IQGAP1: variants seen among roughly 807,000 people sequenced by gnomAD.
IQGAP1 encodes the protein IQ motif containing GTPase activating protein 1, also known as ras GTPase-activating-like protein IQGAP1.
Under a neutral mutation model 215.6 loss-of-function variants are expected in IQGAP1, and 66 were observed. That is an observed-to-expected ratio of 0.31 (90% CI 0.25 to 0.38). The LOEUF is 0.38. Among genes scored for constraint, IQGAP1 ranks in the 10% least tolerant of loss-of-function variants. The probability of loss-of-function intolerance (pLI) is 1.00; values close to 1 mark genes in which losing one functional copy is unlikely to be tolerated. For synonymous variants in IQGAP1, 772 were observed against 728.7 expected (o/e 1.06, Z -0.96); for missense variants, 1,712 against 1,997.1 (o/e 0.86, Z 2.72).
intron 23 of IQGAP1, among the ~76,000 whole-genome samples, chr15:90,475,203 T>G (rs1596285569): frequency 2.6e-5 from 4 of 152,240 alleles, no homozygotes; most frequent in South Asian, 4.1e-4. Context: ...TTCGCCATGT[T>G]GACCAGGCTG....
intron 2 of IQGAP1, among the ~76,000 whole-genome samples, chr15:90,422,646 G>GTATATATATATGTA (rs1460611481): frequency 9.1e-4 from 55 of 60,234 alleles, no homozygotes; most frequent in Middle Eastern, 7.7e-3. Context: ...ATATGTATAT[G>GTATATATATATGTA]TATATATATA....
In IQGAP1 at chr15:90,451,156, G is replaced by A. The variant is rs117623575; in HGVS notation, c.1162+1513G>A. Among the ~76,000 whole-genome samples, 824 of 152,200 alleles carry A rather than the reference G, an allele frequency of 5.4e-3. 26 individuals carry two copies. Among genetic ancestry groups the A allele is most frequent in the Admixed American group, 0.046 (700 of 15,286 alleles). ...TTATTTTTGTATATTATGAGAGATAGGGATCTAGCTTTATTCTTCTGCATA... is the reference window on the plus strand; with the variant it reads ...TTATTTTTGTATATTATGAGAGATAAGGATCTAGCTTTATTCTTCTGCATA... On this transcript the variant is annotated intron_variant, in intron 11 of 37. Transcript: ENST00000268182.
At chr15:90,495,549 A>G (rs543310480) in intron 36 of IQGAP1, among the ~76,000 whole-genome samples, 68 of 152,000 alleles carry the variant, frequency 4.5e-4, no homozygotes, top group African/African-American at 1.5e-3. Flanking sequence ...ATTTTTTTCT[A>G]TTCACATAAA....
chr15:90,422,646 GTATATATA>G (rs1176836911), intron 2 of IQGAP1, among the ~76,000 whole-genome samples: 1 of 60,242 alleles, frequency 1.7e-5, no homozygotes, highest in Non-Finnish European at 3.0e-5. Context: ...ATATGTATAT[GTATATATA>G]TATATGTATA....
chr15:90,443,636 T>C (rs1965483527), intron 9 of IQGAP1, among the ~76,000 whole-genome samples, 158 bp downstream of exon 9: 1 of 152,242 alleles, frequency 6.6e-6, no homozygotes, highest in Non-Finnish European at 1.5e-5. Flanking sequence ...TGTGTTTCTA[T>C]GCCTCCGTTT....
chr15:90,388,262 CT>C lies in IQGAP1; in HGVS notation c.-78del. 1 of 1,516,934 alleles carries C rather than the reference CT, an allele frequency of 6.6e-7. No individual in the cohort carries two copies. 94.0% of individuals were successfully genotyped at this position (1,516,934 alleles called of 1,614,324 possible). Reference sequence around the variant, plus strand: ...TCGGGGACCCCGGCAAGCCCGCGCACTTGGCAGGAGCTGTAGCTACCGCCGT... The same window carrying C: ...TCGGGGACCCCGGCAAGCCCGCGCACTGGCAGGAGCTGTAGCTACCGCCGT... On this transcript the variant is annotated 5_prime_UTR_variant, in exon 1 of 38. Coordinates refer to ENST00000268182, the MANE Select transcript of IQGAP1 (RefSeq NM_003870.4).
At chr15:90,428,336 C>T (rs960643187) in intron 3 of IQGAP1, among the ~76,000 whole-genome samples, 4 of 152,134 alleles carry the variant, frequency 2.6e-5, no homozygotes, top group Non-Finnish European at 5.9e-5. Flanking sequence ...CTTGGCCTCT[C>T]AAAGTGCCAG....
At chr15:90,494,531 C>T (rs1966247499) in intron 35 of IQGAP1, 182 bp from the exon 36 acceptor site, 1 of 389,238 alleles carries the variant, frequency 2.6e-6, no homozygotes, top group South Asian at 4.9e-5. Context: ...AGTAATATTT[C>T]CCCTGTTTTG....
chr15:90,428,052 T>G (rs199804301), intron 3 of IQGAP1, among the ~76,000 whole-genome samples: 2 of 151,808 alleles, frequency 1.3e-5, no homozygotes, highest in East Asian at 1.9e-4. Flanking sequence ...GTTCAGTGGG[T>G]TTTTTTTGTT....
intron 18 of IQGAP1, among the ~76,000 whole-genome samples, chr15:90,471,565 T>C (rs1026645620): frequency 3.3e-5 from 5 of 151,696 alleles, no homozygotes; most frequent in African/African-American, 4.9e-5. Flanking sequence ...AATGGCGCGA[T>C]CTTGGCTCAC....
chr15:90,465,870 A>T, intron 15 of IQGAP1, 131 bp from the exon 16 acceptor site: 1 of 718,732 alleles, frequency 1.4e-6, no homozygotes, highest in East Asian at 2.7e-5. Flanking sequence ...CATTTGACTA[A>T]CCCACGTGTC....
chr15:90,398,323 GA>G (rs1315339551), intron 2 of IQGAP1, among the ~76,000 whole-genome samples: 1 of 152,134 alleles, frequency 6.6e-6, no homozygotes, highest in African/African-American at 2.4e-5. Flanking sequence ...TTATCTGAAG[GA>G]AAACACCAGA....
At chr15:90,392,746 A>ATTTTTT (rs1964652639) in intron 2 of IQGAP1, among the ~76,000 whole-genome samples, 1 of 91,834 alleles carries the variant, frequency 1.1e-5, no homozygotes, top group African/African-American at 5.9e-5. Flanking sequence ...GAATGTTTCT[A>ATTTTTT]TCTTTTTTTT....
Position 90,499,407 on chromosome 15 carries a change from T to C in IQGAP1, c.4861-588T>C, listed in dbSNP as rs145740309. On this transcript the variant is annotated intron_variant, in intron 37 of 37. Transcript: ENST00000268182. ...GATACTATGTAATGTGCTTACACAA[T>C]GCCAAGCACATGGCAGACACCTAAT... 5.1e-4 allele frequency among the ~76,000 whole-genome samples: 78 copies of C among 152,348 alleles called. 1 individual carries two copies. The highest frequency in any genetic ancestry group is 1.8e-3 in the African/African-American group (75 of 41,576).
chr15:90,472,723 CTA>C (rs1337941890), intron 18 of IQGAP1, 115 bp from the exon 19 acceptor site: 6 of 901,388 alleles, frequency 6.7e-6, no homozygotes, highest in Admixed American at 5.1e-5. Context: ...AGCTAATGAT[CTA>C]GTATAGACTT....
intron 14 of IQGAP1, 125 bp downstream of exon 14, chr15:90,454,677 A>C (rs369929772): frequency 9.6e-7 from 1 of 1,040,282 alleles, no homozygotes; most frequent in African/African-American, 1.7e-5. Flanking sequence ...TCTATATAAC[A>C]CAAAAGGCTA....
At chr15:90,424,482 T>C (rs998790953) in intron 2 of IQGAP1, among the ~76,000 whole-genome samples, 2 of 152,240 alleles carry the variant, frequency 1.3e-5, no homozygotes, top group Non-Finnish European at 2.9e-5. Flanking sequence ...CCCATTCATA[T>C]ACCCATCAGG....
Position 90,472,860 on chromosome 15 carries a change from T to C in IQGAP1, c.2199T>C (p.Thr733=). The C allele has an allele frequency of 6.2e-7, 1 of 1,612,406 alleles. No individual in the cohort carries two copies. Among genetic ancestry groups the C allele is most frequent in the Non-Finnish European group, 8.5e-7 (1 of 1,178,888 alleles). The change falls in exon 19 of 38, where the codon ACT becomes ACC. Residue 733 remains threonine, a synonymous_variant. Coordinates refer to ENST00000268182, the MANE Select transcript of IQGAP1 (RefSeq NM_003870.4). ...EEIQSSISGV[T]AAYNREQLWL... ...TTCAGAGTTCTATCTCTGGGGTGAC[T>C]GCCGCATATAACCGAGAACAGCTGT...
intron 33 of IQGAP1, among the ~76,000 whole-genome samples, chr15:90,488,249 T>TAAATA (rs1966156573): frequency 6.6e-6 from 1 of 151,406 alleles, no homozygotes; most frequent in Admixed American, 6.6e-5. Flanking sequence ...AATAAATAAA[T>TAAATA]AAATAAATAA....
Sources: gnomAD v4.1 joint callset for allele counts (sites outside exome capture counted in the v4.1 genomes callset) on GRCh38, gnomAD v4.1.1 for gene constraint, MANE v1.5 for transcripts, NCBI Gene and HGNC (gene_info 2026-07-23, HGNC 2026-07-21) for gene names.